Variants in TTC3 observed in about 807,000 individuals in gnomAD.
TTC3 encodes E3 ubiquitin-protein ligase TTC3.
TTC3 carries 180 observed loss-of-function variants against 249.6 expected under a neutral mutation model. The observed-to-expected ratio is 0.72, with a 90% CI of 0.64 to 0.82. The LOEUF (loss-of-function observed/expected upper bound fraction) is 0.82, where lower values mean the gene tolerates loss of function less well. Ranked by LOEUF, TTC3 falls within the 40% of genes least tolerant of loss-of-function variation. The probability of loss-of-function intolerance (pLI) is 0.00; values close to 1 mark genes in which losing one functional copy is unlikely to be tolerated. For missense variants in TTC3, 2,061 were observed against 2,398.4 expected, an observed-to-expected ratio of 0.86 and a Z score of 2.94; for synonymous variants, 717 against 805.0, an observed-to-expected ratio of 0.89 and a Z score of 1.85.
At chr21:37,142,771 A>G (rs1256422254) in intron 20 of TTC3, among the ~76,000 whole-genome samples, 1 of 152,254 alleles carries the variant, frequency 6.6e-6, no homozygotes, top group South Asian at 2.1e-4. Flanking sequence ...GAACCAAAAA[A>G]GAGCCCGCAT....
At chr21:37,185,419 GT>G (rs2083151585) in intron 36 of TTC3, among the ~76,000 whole-genome samples, 1 of 152,152 alleles carries the variant, frequency 6.6e-6, no homozygotes, top group African/African-American at 2.4e-5. Context: ...CGCAGTACCT[GT>G]GTTCTCTGCT....
chr21:37,148,623 A>G (rs778343879), exon 23 of TTC3: 1 of 1,601,198 alleles, frequency 6.2e-7, no homozygotes, highest in Non-Finnish European at 8.5e-7. Context: ...TAAAAACTAC[A>G]ACCTTTAATG....
chr21:37,121,493 A>G (rs1209617459), intron 11 of TTC3, among the ~76,000 whole-genome samples: 4 of 152,248 alleles, frequency 2.6e-5, no homozygotes, highest in Non-Finnish European at 4.4e-5. Context: ...GACATTTTTT[A>G]CTTTATCTGG....
chr21:37,101,885 A>G (rs1020673551), intron 10 of TTC3, among the ~76,000 whole-genome samples: 2 of 149,760 alleles, frequency 1.3e-5, no homozygotes, highest in African/African-American at 4.9e-5. Flanking sequence ...TTGCCTATGT[A>G]ATCCATTAGT....
intron 34 of TTC3, among the ~76,000 whole-genome samples, chr21:37,169,391 CA>C (rs1303718423): frequency 6.6e-6 from 1 of 151,608 alleles, no homozygotes; most frequent in African/African-American, 2.4e-5. Context: ...ACTAAAAATA[CA>C]AAAATTAGCC....
intron 27 of TTC3, among the ~76,000 whole-genome samples, chr21:37,155,620 G>T (rs1202060239): frequency 2.6e-5 from 4 of 152,188 alleles, no homozygotes; most frequent in Non-Finnish European, 5.9e-5. Context: ...TTCATTTGTT[G>T]ACTAAGGCCC....
chr21:37,190,130 CTTTT>C (rs138862573), intron 39 of TTC3, among the ~76,000 whole-genome samples: 4,312 of 65,072 alleles, frequency 0.066, 259 homozygotes, highest in African/African-American at 0.21. Context: ...CTTTTTCTTT[CTTTT>C]TTTTTTTTTT....
intron 10 of TTC3, among the ~76,000 whole-genome samples, chr21:37,105,516 A>T (rs2074993479): frequency 6.6e-6 from 1 of 152,038 alleles, no homozygotes; most frequent in South Asian, 2.1e-4. Context: ...TATGTCCTTT[A>T]AAAAAAATCT....
At chr21:37,199,466 A>G (rs987804674) in intron 44 of TTC3, among the ~76,000 whole-genome samples, 2 of 152,200 alleles carry the variant, frequency 1.3e-5, no homozygotes, top group Non-Finnish European at 2.9e-5. Context: ...TCACATCGAA[A>G]GCACTGTCTA....
At chr21:37,143,984 G>A (rs1440498459) in intron 20 of TTC3, among the ~76,000 whole-genome samples, 2 of 151,186 alleles carry the variant, frequency 1.3e-5, no homozygotes, top group African/African-American at 4.9e-5. Flanking sequence ...TCAGCAAACT[G>A]TTGCAGGGAC....
chr21:37,088,009 A>C (rs928676130), intron 3 of TTC3, 134 bp downstream of exon 3: 4 of 959,014 alleles, frequency 4.2e-6, no homozygotes, highest in Admixed American at 6.1e-5. Context: ...ACTAGAAATC[A>C]GAACTTTTCT....
intron 28 of TTC3, 60 bp from the exon 29 acceptor site, chr21:37,159,639 G>A (rs1348988709): frequency 2.0e-6 from 3 of 1,536,148 alleles, no homozygotes; most frequent in Middle Eastern, 1.7e-4. Flanking sequence ...AGGCTTTAGT[G>A]TACTATATGG....
At chr21:37,099,580 A>G (rs1282366135) in intron 10 of TTC3, among the ~76,000 whole-genome samples, 1 of 152,386 alleles carries the variant, frequency 6.6e-6, no homozygotes, top group South Asian at 2.1e-4. Context: ...TCCTTCCAGG[A>G]CATGTAGATT....
intron 13 of TTC3, 125 bp from the exon 14 acceptor site, chr21:37,124,490 CAGGT>C: frequency 1.1e-6 from 1 of 943,752 alleles, no homozygotes; most frequent in Non-Finnish European, 1.6e-6. Flanking sequence ...CCCCATCTCA[CAGGT>C]AGGAAATCTT....
intron 7 of TTC3, among the ~76,000 whole-genome samples, chr21:37,093,013 G>A (rs2073473885): frequency 6.6e-6 from 1 of 152,074 alleles, no homozygotes; most frequent in Non-Finnish European, 1.5e-5. Flanking sequence ...TTTAAAATAT[G>A]TTGAGCATCA....
chr21:37,175,413 A>C (rs969823279), intron 35 of TTC3, among the ~76,000 whole-genome samples: 1 of 151,668 alleles, frequency 6.6e-6, no homozygotes. Context: ...CCTGGTCAAC[A>C]TGGTGAAACC....
At chr21:37,159,343 C>T (rs954271021) in intron 28 of TTC3, among the ~76,000 whole-genome samples, 5 of 152,142 alleles carry the variant, frequency 3.3e-5, no homozygotes, top group Admixed American at 2.0e-4. Context: ...TCACGTGGTC[C>T]TTAGCACGCT....
At chr21:37,197,505 G>A in intron 42 of TTC3, 65 bp from the exon 43 acceptor site, 1 of 1,589,938 alleles carries the variant, frequency 6.3e-7, no homozygotes. Context: ...ATTAATATTG[G>A]CATGTAATAT....
intron 32 of TTC3, 81 bp downstream of exon 32, chr21:37,164,296 T>A: frequency 7.6e-7 from 1 of 1,317,736 alleles, no homozygotes; most frequent in Non-Finnish European, 1.0e-6. Flanking sequence ...AATTTGTGCC[T>A]GTTTTTAGAG....
Sources: gnomAD v4.1 joint callset for allele counts (sites outside exome capture counted in the v4.1 genomes callset) on GRCh38, gnomAD v4.1.1 for gene constraint, MANE v1.5 for transcripts, NCBI Gene and HGNC (gene_info 2026-07-23, HGNC 2026-07-21) for gene names.